The following ANP32A variants were observed in gnomAD, a reference collection of about 807,000 sequenced individuals.
ANP32A encodes acidic nuclear phosphoprotein 32 family member A, also known as acidic leucine-rich nuclear phosphoprotein 32 family member A.
A neutral mutation model predicts 33.9 loss-of-function variants in ANP32A; 1 was observed. That is an observed-to-expected ratio of 0.03 (90% CI 0.01 to 0.14). The LOEUF (loss-of-function observed/expected upper bound fraction) is 0.14. Among genes scored for constraint, ANP32A ranks in the 10% least tolerant of loss-of-function variants. The probability of loss-of-function intolerance (pLI) is 1.00; values close to 1 mark genes in which losing one functional copy is unlikely to be tolerated. For missense variants in ANP32A, 155 were observed against 306.0 expected, an observed-to-expected ratio of 0.51 and a Z score of 3.68; for synonymous variants, 115 against 120.5, an observed-to-expected ratio of 0.95 and a Z score of 0.30.
intron 1 of ANP32A, among the ~76,000 whole-genome samples, chr15:68,792,628 T>C (rs540476692): frequency 4.1e-4 from 62 of 152,324 alleles, no homozygotes; most frequent in African/African-American, 1.4e-3. Context: ...GCCTTTCCCC[T>C]CTGTTCCCAA....
intron 5 of ANP32A, 75 bp downstream of exon 5, chr15:68,782,881 G>C: frequency 6.5e-7 from 1 of 1,541,508 alleles, no homozygotes; most frequent in Middle Eastern, 1.8e-4. Context: ...GGGCTGCCAA[G>C]ACTGATCACA....
Position 68,780,007 on chromosome 15 carries a change from A to AGGGGGGG in ANP32A, c.*67_*73dup. ...AATAAGTTTCAGGGGGCAGGATTGG[A>AGGGGGGG]GGGGGGGGGGAGAGGGGATATGGGT... On this transcript the variant is annotated 3_prime_UTR_variant, in exon 7 of 7. Coordinates refer to ENST00000465139, the MANE Select transcript of ANP32A (RefSeq NM_006305.4). The surrounding 1 kb of genome is among the most constrained non-coding windows in gnomAD (Gnocchi z 4.3). 1 of 1,060,770 alleles carries AGGGGGGG rather than the reference A, an allele frequency of 9.4e-7. No individual in the cohort carries two copies. The highest frequency in any genetic ancestry group is 1.3e-6 in the Non-Finnish European group (1 of 766,014). The allele number at this position is 1,060,770 out of a possible 1,614,324, so 65.7% of individuals were successfully genotyped here.
intron 1 of ANP32A, chr15:68,812,919 A>G (rs957289479): frequency 6.6e-6 from 1 of 152,258 alleles, no homozygotes; most frequent in African/African-American, 2.4e-5. Flanking sequence ...AGAGGCTCAA[A>G]GAAGCCAAAC....
At chr15:68,804,667 C>A (rs979329658) in intron 1 of ANP32A, among the ~76,000 whole-genome samples, 19 of 152,110 alleles carry the variant, frequency 1.2e-4, no homozygotes, top group African/African-American at 3.6e-4. Context: ...AGGCGCCCAC[C>A]ACCACGCCCA....
chr15:68,779,983 A>G lies in ANP32A; in HGVS notation c.*98T>C, dbSNP rs1893844875. On this transcript the variant is annotated 3_prime_UTR_variant, in exon 7 of 7. Transcript: ENST00000465139. Reference sequence around the variant, plus strand: ...ACAGCAACGTTACAATCAGAAAAAAATAAGTTTCAGGGGGCAGGATTGGAG... The same window carrying G: ...ACAGCAACGTTACAATCAGAAAAAAGTAAGTTTCAGGGGGCAGGATTGGAG... 1 of 1,148,832 alleles carries G rather than the reference A, an allele frequency of 8.7e-7. No homozygotes were observed. The highest frequency in any genetic ancestry group is 1.5e-5 in the South Asian group (1 of 67,674). The allele number at this position is 1,148,832 out of a possible 1,614,324, so 71.2% of individuals were successfully genotyped here. A position where few individuals can be genotyped will look rare whatever the true frequency, so the allele number is the denominator to read the frequency against.
At position 68,820,819 on chromosome 15, in the gene ANP32A, G is replaced by C; in HGVS notation, c.-68C>G. On this transcript the variant is annotated 5_prime_UTR_variant, in exon 1 of 7. Transcript: ENST00000465139. ...TTCAATCAATAAACCCCGAACCCAC[G>C]GCCGCGCGTTTTAGGACTTTGAAGG... The C allele has an allele frequency of 1.3e-6, 2 of 1,596,790 alleles. No individual in the cohort carries two copies. Among genetic ancestry groups the C allele is most frequent in the Non-Finnish European group, 1.7e-6 (2 of 1,165,832 alleles).
Position 68,780,094 on chromosome 15 carries a change from T to G in ANP32A, c.737A>C (p.Glu246Ala). The G allele has an allele frequency of 6.2e-7, 1 of 1,613,686 alleles. No individual in the cohort carries two copies. The highest frequency in any genetic ancestry group is 1.1e-5 in the South Asian group (1 of 91,076). The change falls in exon 7 of 7, where the codon GAA becomes GCA. Residue 246 changes from glutamate to alanine, a missense_variant. By Grantham distance (107) the Glu-to-Ala change is moderately radical. Around this residue, in one of 4 missense-constraint regions of ANP32A, gnomAD observed 63 missense variants for 82.8 expected, o/e 0.76. Coordinates refer to ENST00000465139, the MANE Select transcript of ANP32A (RefSeq NM_006305.4). This position sits in a 1 kb window ranked among gnomAD's most constrained non-coding sequence, Gnocchi z 4.3. ...AGGTTATTCCACTTAGTCATCATCT[T>G]CTCCCTCATCTTCAGGTTCTCGTTT... ...KRKREPEDEG[E>A]DDD is the part of the protein sequence containing the mutation.
At chr15:68,819,343 G>A (rs1201565936) in intron 1 of ANP32A, among the ~76,000 whole-genome samples, 1 of 152,234 alleles carries the variant, frequency 6.6e-6, no homozygotes, top group African/African-American at 2.4e-5. Flanking sequence ...AAAGCGAGAG[G>A]GAGGCAGAAA....
intron 1 of ANP32A, among the ~76,000 whole-genome samples, chr15:68,807,477 C>T (rs1894250043): frequency 6.7e-6 from 1 of 148,972 alleles, no homozygotes; most frequent in South Asian, 2.1e-4. Flanking sequence ...CCCCTCCCCT[C>T]CGCTTCACAG....
intron 1 of ANP32A, among the ~76,000 whole-genome samples, chr15:68,803,763 C>T (rs1894171078): frequency 6.7e-6 from 1 of 150,366 alleles, no homozygotes; most frequent in Non-Finnish European, 1.5e-5. Context: ...AAATCTCACA[C>T]ATATTGTTTG....
intron 1 of ANP32A, among the ~76,000 whole-genome samples, chr15:68,813,783 A>G (rs1333923906): frequency 2.0e-5 from 3 of 151,924 alleles, no homozygotes; most frequent in African/African-American, 7.3e-5. Flanking sequence ...ATCACCAACA[A>G]GCTCCCGGCT....
At chr15:68,783,474 G>A (rs1331962887) in intron 4 of ANP32A, among the ~76,000 whole-genome samples, 2 of 152,162 alleles carry the variant, frequency 1.3e-5, no homozygotes, top group African/African-American at 4.8e-5. Context: ...CTGGGCCTAG[G>A]GGACCTGGTC....
intron 1 of ANP32A, chr15:68,790,955 CCT>C (rs906298879): frequency 6.6e-6 from 1 of 152,232 alleles, no homozygotes. Context: ...TGTCTCTCAC[CCT>C]CTCTCCCCAG....
At chr15:68,796,355 A>G (rs1894063915) in intron 1 of ANP32A, among the ~76,000 whole-genome samples, 1 of 152,022 alleles carries the variant, frequency 6.6e-6, no homozygotes, top group Non-Finnish European at 1.5e-5. Flanking sequence ...TGCTGGGATT[A>G]CAGGCGCCCA....
At chr15:68,785,450 A>C (rs1314797925) in intron 3 of ANP32A, among the ~76,000 whole-genome samples, 1 of 152,136 alleles carries the variant, frequency 6.6e-6, no homozygotes, top group Non-Finnish European at 1.5e-5. Context: ...ATCCCATCCC[A>C]GGCTGAGTCC....
In ANP32A at chr15:68,780,630, T is replaced by G; in HGVS notation, c.625-157A>C. 1 of 1,295,342 alleles carries G rather than the reference T, an allele frequency of 7.7e-7. No homozygotes were observed. Among genetic ancestry groups the G allele is most frequent in the South Asian group, 1.7e-5 (1 of 60,342 alleles). The allele number at this position is 1,295,342 out of a possible 1,614,324, so 80.2% of individuals were successfully genotyped here. On this transcript the variant is annotated intron_variant, in intron 5 of 6. Coordinates refer to ENST00000465139, the MANE Select transcript of ANP32A (RefSeq NM_006305.4). The surrounding 1 kb of genome is among the most constrained non-coding windows in gnomAD (Gnocchi z 4.3). ...GGGAGGAATGTAAAGCAGAGGTTCTTAATTTATTTCAGATCAAGGACTCAT... is the reference window on the plus strand; with the variant it reads ...GGGAGGAATGTAAAGCAGAGGTTCTGAATTTATTTCAGATCAAGGACTCAT...
Position 68,782,988 on chromosome 15 carries a change from C to G in ANP32A, c.592G>C (p.Gly198Arg). The G allele has an allele frequency of 1.9e-6, 3 of 1,551,690 alleles. No individual in the cohort carries two copies. Among genetic ancestry groups the G allele is most frequent in the Non-Finnish European group, 2.6e-6 (3 of 1,146,734 alleles). The change falls in exon 5 of 7, where the codon GGT (glycine) becomes CGT (arginine). Residue 198 changes from glycine to arginine, a missense_variant. Gly to Arg is a moderately radical substitution (Grantham distance 125). Around this residue, in one of 4 missense-constraint regions of ANP32A, gnomAD observed 63 missense variants for 82.8 expected, o/e 0.76. Coordinates refer to ENST00000465139, the MANE Select transcript of ANP32A (RefSeq NM_006305.4). ...TCTCCACTCACGTCCTCCTCTTCAC[C>G]TTCCTCCTCCTCATCCTCGTCCTCC... Reference protein sequence around the residue: ...DEEDEDEEEEGEEEDVSGEEE... With the variant: ...DEEDEDEEEEREEEDVSGEEE...
intron 1 of ANP32A, chr15:68,789,474 GCTT>G (rs767540689): frequency 2.6e-5 from 4 of 152,300 alleles, no homozygotes; most frequent in Middle Eastern, 3.2e-3. Flanking sequence ...AACATGCCTA[GCTT>G]CTTCTTTCTG....
chr15:68,815,223 C>CG (rs1894364149), intron 1 of ANP32A, among the ~76,000 whole-genome samples: 4 of 152,114 alleles, frequency 2.6e-5, no homozygotes, highest in Non-Finnish European at 5.9e-5. Flanking sequence ...CACTAGATCC[C>CG]TGGGGCCCAC....
Sources: gnomAD v4.1 joint callset for allele counts (sites outside exome capture counted in the v4.1 genomes callset) on GRCh38, gnomAD v4.1.1 for gene constraint, gnomAD v4.1.1 regional missense constraint, Gnocchi (gnomAD v3.1) non-coding constraint, MANE v1.5 for transcripts, NCBI Gene and HGNC (gene_info 2026-07-23, HGNC 2026-07-21) for gene names.